The following CADPS variants were observed in gnomAD, a reference collection of about 807,000 sequenced individuals.
CADPS encodes the protein calcium dependent secretion activator.
CADPS carries 57 observed loss-of-function variants against 167.3 expected under a neutral mutation model. That is an observed-to-expected ratio of 0.34 (90% CI 0.28 to 0.42). The LOEUF is 0.42. Ranked by LOEUF, CADPS falls within the 20% of genes least tolerant of loss-of-function variation. The pLI is 1.00. For synonymous variants in CADPS, 676 were observed against 635.3 expected (o/e 1.06, Z -0.96); for missense variants, 1,414 against 1,738.1 (o/e 0.81, Z 3.32).
chr3:62,811,173 G>A (rs1181918428), intron 1 of CADPS, among the ~76,000 whole-genome samples: 2 of 152,150 alleles, frequency 1.3e-5, no homozygotes, highest in Non-Finnish European at 2.9e-5. Flanking sequence ...AATAAATCAA[G>A]TCAAATGCTC....
intron 6 of CADPS, among the ~76,000 whole-genome samples, chr3:62,599,790 TATATATA>T (rs2059594045): frequency 3.2e-5 from 1 of 31,704 alleles, no homozygotes; most frequent in South Asian, 1.0e-3. Context: ...TTATATATAA[TATATATA>T]ATATATAATA....
intron 13 of CADPS, among the ~76,000 whole-genome samples, chr3:62,522,771 G>T (rs1353342002): frequency 1.3e-5 from 2 of 152,130 alleles, no homozygotes; most frequent in Non-Finnish European, 2.9e-5. Context: ...CCTGGTCTCT[G>T]GTTCCACCTA....
intron 3 of CADPS, among the ~76,000 whole-genome samples, chr3:62,729,539 G>C (rs1471909153): frequency 6.6e-6 from 1 of 151,880 alleles, no homozygotes; most frequent in African/African-American, 2.4e-5. Flanking sequence ...TCTCAGGTCT[G>C]CTACTCACTA....
intron 1 of CADPS, among the ~76,000 whole-genome samples, chr3:62,830,904 T>A (rs2074954697): frequency 6.6e-6 from 1 of 152,200 alleles, no homozygotes; most frequent in South Asian, 2.1e-4. Flanking sequence ...ATGCAAATTG[T>A]GGACTTTGCC....
At chr3:62,692,502 T>C (rs1000743568) in intron 3 of CADPS, among the ~76,000 whole-genome samples, 1 of 152,110 alleles carries the variant, frequency 6.6e-6, no homozygotes, top group African/African-American at 2.4e-5. Flanking sequence ...TAAACCTATT[T>C]GTTGGCCCAG....
chr3:62,843,569 G>A (rs1330076920), intron 1 of CADPS, among the ~76,000 whole-genome samples: 2 of 151,810 alleles, frequency 1.3e-5, no homozygotes, highest in Non-Finnish European at 2.9e-5. Context: ...GCATAACGTT[G>A]GACTCAACCT....
At chr3:62,483,530 A>C (rs187808610) in intron 21 of CADPS, among the ~76,000 whole-genome samples, 143 of 152,274 alleles carry the variant, frequency 9.4e-4, no homozygotes, top group African/African-American at 3.3e-3. Context: ...AAAATTGTCT[A>C]CCTGGCATTC....
intron 26 of CADPS, 136 bp from the exon 27 acceptor site, chr3:62,445,933 G>T: frequency 1.9e-6 from 1 of 526,550 alleles, no homozygotes; most frequent in Non-Finnish European, 3.2e-6. Flanking sequence ...AAAGGTACTA[G>T]AAAATAAAAT....
chr3:62,847,226 C>G (rs535449909), intron 1 of CADPS, among the ~76,000 whole-genome samples: 2 of 150,698 alleles, frequency 1.3e-5, no homozygotes, highest in East Asian at 3.9e-4. Context: ...TGTTCTTACC[C>G]GCCACCTCCA....
chr3:62,556,994 A>AAC (rs56228621), intron 10 of CADPS, among the ~76,000 whole-genome samples: 2,423 of 143,354 alleles, frequency 0.017, 20 homozygotes, highest in East Asian at 0.032. Context: ...GGTGAAAAAC[A>AAC]ACACACACAC....
rs1008603423 is a variant in CADPS at position 62,398,865 on chromosome 3, G to T, written c.*541C>A. The stretch of plus-strand genomic sequence containing the variant: ...AGGATGGGTTAACAACGACACAAGG[G>T]GTTCATTTTTTGGTTTTAGGGGAAC... On this transcript the variant is annotated 3_prime_UTR_variant, in exon 30 of 30. Transcript: ENST00000383710. 4 of 151,958 alleles carry T rather than the reference G, an allele frequency of 2.6e-5. No homozygotes were observed. Among genetic ancestry groups the T allele is most frequent in the African/African-American group, 4.8e-5 (2 of 41,324 alleles). 9.4% of individuals were successfully genotyped at this position (151,958 alleles called of 1,614,324 possible).
At position 62,602,056 on chromosome 3, in the gene CADPS, T is replaced by C. The variant is rs1294492486; in HGVS notation, c.1326-9308A>G. On this transcript the variant is annotated intron_variant, in intron 6 of 29. Coordinates refer to ENST00000383710, the MANE Select transcript of CADPS (RefSeq NM_003716.4). The surrounding 1 kb of genome is among the most constrained non-coding windows in gnomAD (Gnocchi z 4.4). ...AATGTTGCTAATCAAATACACACAGTAATTTTCATTAGAATTTTTCCCCCC... is the reference window on the plus strand; with the variant it reads ...AATGTTGCTAATCAAATACACACAGCAATTTTCATTAGAATTTTTCCCCCC... Among the ~76,000 whole-genome samples, 1 of 152,160 alleles carries C rather than the reference T, an allele frequency of 6.6e-6. No homozygotes were observed. Among genetic ancestry groups the C allele is most frequent in the Non-Finnish European group, 1.5e-5 (1 of 68,034 alleles).
intron 17 of CADPS, among the ~76,000 whole-genome samples, chr3:62,512,126 T>C (rs926117626): frequency 6.6e-6 from 1 of 152,140 alleles, no homozygotes; most frequent in African/African-American, 2.4e-5. Flanking sequence ...ATGATCCCTA[T>C]TCTAATTTAT....
chr3:62,860,525 T>C (rs750878280), intron 1 of CADPS, among the ~76,000 whole-genome samples: 1 of 152,162 alleles, frequency 6.6e-6, no homozygotes, highest in African/African-American at 2.4e-5. Context: ...GCCCTCCCTA[T>C]GTGTGGGTTT....
chr3:62,498,056 C>G (rs1404811855), intron 18 of CADPS: 4 of 452,830 alleles, frequency 8.8e-6, no homozygotes, highest in Non-Finnish European at 1.3e-5. Flanking sequence ...GCAGGAGCAC[C>G]AGGAAAAGTC....
intron 6 of CADPS, among the ~76,000 whole-genome samples, chr3:62,596,731 T>C (rs532451564): frequency 6.6e-6 from 1 of 152,322 alleles, no homozygotes; most frequent in East Asian, 1.9e-4. Context: ...CTTTGTGGCT[T>C]CTACCCAACA....
At chr3:62,474,023 C>T in intron 24 of CADPS, 150 bp downstream of exon 24, 1 of 554,872 alleles carries the variant, frequency 1.8e-6, no homozygotes, top group Non-Finnish European at 3.1e-6. Context: ...CAAACAGATA[C>T]TGAACACTCA....
intron 1 of CADPS, among the ~76,000 whole-genome samples, chr3:62,804,528 T>C (rs1252750735): frequency 6.6e-6 from 1 of 152,130 alleles, no homozygotes; most frequent in Non-Finnish European, 1.5e-5. Flanking sequence ...TTAGACTCAC[T>C]AGCTTTATGA....
intron 13 of CADPS, among the ~76,000 whole-genome samples, chr3:62,527,238 A>G (rs968548900): frequency 2.0e-5 from 3 of 152,210 alleles, no homozygotes; most frequent in Non-Finnish European, 4.4e-5. Flanking sequence ...GGAAAAATGC[A>G]GCTCATCACC....
Sources: gnomAD v4.1 joint callset for allele counts (sites outside exome capture counted in the v4.1 genomes callset) on GRCh38, gnomAD v4.1.1 for gene constraint, Gnocchi (gnomAD v3.1) non-coding constraint, MANE v1.5 for transcripts, NCBI Gene and HGNC (gene_info 2026-07-23, HGNC 2026-07-21) for gene names.